Variants in DPP10 observed in about 807,000 individuals in gnomAD.
DPP10 encodes inactive dipeptidyl peptidase 10.
DPP10 carries 33 observed loss-of-function variants against 120.9 expected under a neutral mutation model. That is an observed-to-expected ratio of 0.27 (90% CI 0.21 to 0.37). The LOEUF (loss-of-function observed/expected upper bound fraction) is 0.37, where lower values mean the gene tolerates loss of function less well. Ranked by LOEUF, DPP10 falls within the 10% of genes least tolerant of loss-of-function variation. DPP10 has a pLI of 1.00. For synonymous variants in DPP10, 337 were observed against 326.1 expected, an observed-to-expected ratio of 1.03 and a Z score of -0.36; for missense variants, 816 against 942.8, an observed-to-expected ratio of 0.87 and a Z score of 1.76.
intron 3 of DPP10, among the ~76,000 whole-genome samples, chr2:115,409,990 A>G (rs1356749593): frequency 6.6e-6 from 1 of 152,186 alleles, no homozygotes; most frequent in African/African-American, 2.4e-5. Context: ...AGAACGATAT[A>G]ATGTTTTGGG....
chr2:114,591,554 ATTTT>A (rs70937292), intron 1 of DPP10, among the ~76,000 whole-genome samples: 2 of 124,598 alleles, frequency 1.6e-5, no homozygotes, highest in African/African-American at 6.3e-5. Context: ...ACCTCTTCCT[ATTTT>A]TTTTTTTTTT....
At chr2:114,621,563 A>G (rs938985653) in intron 1 of DPP10, among the ~76,000 whole-genome samples, 1 of 152,000 alleles carries the variant, frequency 6.6e-6, no homozygotes, top group Non-Finnish European at 1.5e-5. Flanking sequence ...ATATTCCTAC[A>G]TTAAATTATA....
chr2:114,815,557 A>G (rs1232669537), intron 1 of DPP10, among the ~76,000 whole-genome samples: 1 of 152,210 alleles, frequency 6.6e-6, no homozygotes, highest in Non-Finnish European at 1.5e-5. Context: ...GTTAGTATCT[A>G]AGTGGACAAA....
At position 115,543,655 on chromosome 2, in the gene DPP10, C is replaced by A. The variant is rs910884561; in HGVS notation, c.441+17683C>A. 7.2e-5 allele frequency among the ~76,000 whole-genome samples: 11 copies of A among 151,890 alleles called. 1 individual carries two copies. The highest frequency in any genetic ancestry group is 2.7e-4 in the African/African-American group (11 of 41,402). On this transcript the variant is annotated intron_variant, in intron 5 of 25. Transcript: ENST00000410059. ...GCTGGGTTTTTTTTTGTCTCCCTCA[C>A]ATGCCTAGAATATAGAATCAGTATG...
intron 1 of DPP10, among the ~76,000 whole-genome samples, chr2:114,604,453 G>A (rs188679611): frequency 1.3e-5 from 2 of 152,210 alleles, no homozygotes; most frequent in East Asian, 3.9e-4. Context: ...GCAGGAAACA[G>A]ATGGAGTTTT....
intron 1 of DPP10, among the ~76,000 whole-genome samples, chr2:114,827,234 C>G (rs914572133): frequency 4.6e-5 from 7 of 152,150 alleles, no homozygotes; most frequent in African/African-American, 1.7e-4. Flanking sequence ...ATGTGGTAAT[C>G]TGGAGAGGTG....
At chr2:115,519,967 T>C (rs1413290004) in intron 4 of DPP10, among the ~76,000 whole-genome samples, 1 of 152,162 alleles carries the variant, frequency 6.6e-6, no homozygotes, top group Non-Finnish European at 1.5e-5. Flanking sequence ...TTTTGTCAGG[T>C]ATCAAAAAAC....
chr2:115,256,552 G>A (rs2059008393), intron 1 of DPP10, among the ~76,000 whole-genome samples: 1 of 152,192 alleles, frequency 6.6e-6, no homozygotes, highest in African/African-American at 2.4e-5. Context: ...CTGATACTCT[G>A]GGCCTGGCCC....
At chr2:114,653,025 A>AGGGTGT (rs753807245) in intron 1 of DPP10, among the ~76,000 whole-genome samples, 1 of 118,868 alleles carries the variant, frequency 8.4e-6, no homozygotes, top group Non-Finnish European at 1.6e-5. Context: ...AGAGAGAGAG[A>AGGGTGT]GAGTGTGTGT....
intron 1 of DPP10, among the ~76,000 whole-genome samples, chr2:114,791,453 G>C (rs10188948): frequency 0.51 from 77,069 of 152,106 alleles, 20,712 homozygotes; most frequent in East Asian, 0.86. Context: ...GGAGCTGCTG[G>C]GTGTGGAAAA....
chr2:114,487,318 A>G (rs1034226229), intron 1 of DPP10, among the ~76,000 whole-genome samples: 1 of 152,184 alleles, frequency 6.6e-6, no homozygotes, highest in Non-Finnish European at 1.5e-5. Context: ...AGGGCCCACA[A>G]ATAGACATTT....
At chr2:114,499,124 C>T (rs1682933669) in intron 1 of DPP10, among the ~76,000 whole-genome samples, 2 of 152,200 alleles carry the variant, frequency 1.3e-5, no homozygotes, top group African/African-American at 4.8e-5. Context: ...GCAGCTATCC[C>T]TGATCTCTCA....
In DPP10 at chr2:115,035,803, A is replaced by G. The variant is rs543977835; in HGVS notation, c.61-273436A>G. Among the ~76,000 whole-genome samples, 10 of 152,344 alleles carry G rather than the reference A, an allele frequency of 6.6e-5. No homozygotes were observed. The South Asian group carries it at 1.9e-3, about 28-fold the overall frequency. On this transcript the variant is annotated intron_variant, in intron 1 of 25. Transcript: ENST00000410059. Reference sequence around the variant, plus strand: ...ATATACAAAAAACAATTAGAATATAACAGGTATCTGATTAGCATCTAATAC... The same window carrying G: ...ATATACAAAAAACAATTAGAATATAGCAGGTATCTGATTAGCATCTAATAC...
intron 21 of DPP10, among the ~76,000 whole-genome samples, chr2:115,822,312 A>G (rs17045121): frequency 0.013 from 1,954 of 152,070 alleles, 44 homozygotes; most frequent in African/African-American, 0.042. Flanking sequence ...TATAATTGAC[A>G]TACCATGAAA....
chr2:114,783,703 G>A (rs319848), intron 1 of DPP10, among the ~76,000 whole-genome samples: 51,796 of 151,574 alleles, frequency 0.34, 9,232 homozygotes, highest in South Asian at 0.38. Context: ...GTGAGGTGGC[G>A]CACACCTGTG....
intron 1 of DPP10, among the ~76,000 whole-genome samples, chr2:114,622,471 G>A (rs1190374264): frequency 2.0e-5 from 3 of 150,732 alleles, no homozygotes; most frequent in Admixed American, 1.3e-4. Context: ...ATCTTGTGCA[G>A]TAATATTTAC....
At chr2:115,656,893 G>A (rs2088406610) in intron 5 of DPP10, among the ~76,000 whole-genome samples, 1 of 151,550 alleles carries the variant, frequency 6.6e-6, no homozygotes, top group African/African-American at 2.4e-5. Flanking sequence ...TATTATGATG[G>A]TTGCCAGGGA....
In DPP10 at chr2:115,033,893, CTTTT is replaced by C. The variant is rs965717193; in HGVS notation, c.61-275326_61-275323del. On this transcript the variant is annotated intron_variant, in intron 1 of 25. Transcript: ENST00000410059. ...TATCTTTCTTTTTCTTTTTCTTTTT[CTTTT>C]TTTTTTTTTTTTTTTTTTTGAGACG... is the stretch of plus-strand genomic sequence containing the variant. 9.7e-3 allele frequency among the ~76,000 whole-genome samples: 869 copies of C among 89,820 alleles called. 2 individuals carry two copies. The highest frequency in any genetic ancestry group is 0.031 in the Middle Eastern group (3 of 98). 58.9% of individuals were successfully genotyped at this position (89,820 alleles called of 152,430 possible).
At chr2:115,062,634 C>T (rs866429724) in intron 1 of DPP10, among the ~76,000 whole-genome samples, 1 of 152,144 alleles carries the variant, frequency 6.6e-6, no homozygotes, top group Non-Finnish European at 1.5e-5. Context: ...AGTGAGAACA[C>T]GCAGTGTTTG....
Sources: allele counts gnomAD v4.1 joint callset (sites outside exome capture counted in the v4.1 genomes callset), GRCh38; gene constraint gnomAD v4.1.1; transcripts MANE v1.5; gene names NCBI Gene and HGNC (gene_info 2026-07-23, HGNC 2026-07-21).